CELF2: variants seen among roughly 807,000 people sequenced by gnomAD.
The protein encoded by CELF2 is CUG triplet repeat RNA-binding protein 2.
A neutral mutation model predicts 62.6 loss-of-function variants in CELF2; 8 were observed. That is an observed-to-expected ratio of 0.13 (90% CI 0.07 to 0.23). The LOEUF (loss-of-function observed/expected upper bound fraction) is 0.23. Ranked by LOEUF, CELF2 falls within the 10% of genes least tolerant of loss-of-function variation. The probability of loss-of-function intolerance (pLI) is 1.00; values close to 1 mark genes in which losing one functional copy is unlikely to be tolerated. For missense variants in CELF2, 333 were observed against 671.0 expected (o/e 0.50, Z 5.56); for synonymous variants, 258 against 250.0 (o/e 1.03, Z -0.30).
At chr10:10,490,715 A>T in the CELF2 span, among the ~76,000 whole-genome samples, 2 of 152,148 alleles carry the variant, frequency 1.3e-5, no homozygotes. Context: ...AAATGAGCAT[A>T]AGCCCCTAGA....
intron 8 of CELF2, among the ~76,000 whole-genome samples, chr10:11,284,224 GT>G (rs2090251152): frequency 1.5e-5 from 1 of 67,474 alleles, no homozygotes; most frequent in Admixed American, 1.6e-4. Flanking sequence ...TGTGTGGTGG[GT>G]GGATGAGGGA....
the CELF2 span, among the ~76,000 whole-genome samples, chr10:10,709,434 C>T: frequency 7.9e-5 from 12 of 152,276 alleles, no homozygotes; most frequent in South Asian, 2.1e-4. Context: ...TTCCTCCCCA[C>T]GCCCACCCTG....
At chr10:11,144,072 A>T (rs1596081159) in intron 1 of CELF2, among the ~76,000 whole-genome samples, 3 of 151,904 alleles carry the variant, frequency 2.0e-5, no homozygotes, top group Admixed American at 2.0e-4. Context: ...TTCACTCTCT[A>T]GGCCTCTGGT....
At chr10:10,751,841 T>C in the CELF2 span, among the ~76,000 whole-genome samples, 1 of 152,230 alleles carries the variant, frequency 6.6e-6, no homozygotes, top group Non-Finnish European at 1.5e-5. Flanking sequence ...ATTTTTTTAA[T>C]TGAGAAATTA....
chr10:10,817,946 A>C (rs1047153748), intron 1 of CELF2, among the ~76,000 whole-genome samples: 1 of 152,188 alleles, frequency 6.6e-6, no homozygotes, highest in Non-Finnish European at 1.5e-5. Flanking sequence ...CCACTTCATA[A>C]CTGTAGGACC....
At chr10:11,019,575 T>C (rs1480226270) in intron 1 of CELF2, among the ~76,000 whole-genome samples, 2 of 150,532 alleles carry the variant, frequency 1.3e-5, no homozygotes, top group Admixed American at 6.6e-5. Flanking sequence ...TTATTTGAGC[T>C]GCAAGGACCT....
intron 1 of CELF2, among the ~76,000 whole-genome samples, chr10:10,831,172 A>G (rs560267887): frequency 1.3e-5 from 2 of 152,214 alleles, no homozygotes; most frequent in Non-Finnish European, 1.5e-5. Flanking sequence ...TGGATTTCCA[A>G]TTGCGCACTT....
At chr10:10,481,954 A>G in the CELF2 span, among the ~76,000 whole-genome samples, 5 of 152,240 alleles carry the variant, frequency 3.3e-5, no homozygotes, top group Non-Finnish European at 7.3e-5. Flanking sequence ...CTAGCAATGC[A>G]TGATTCTGAA....
chr10:11,303,042 A>T (rs2093914194), intron 9 of CELF2, among the ~76,000 whole-genome samples: 1 of 152,078 alleles, frequency 6.6e-6, no homozygotes, highest in East Asian at 1.9e-4. Context: ...CTGCTTTCTC[A>T]CCCCACAAAC....
intron 1 of CELF2, among the ~76,000 whole-genome samples, chr10:11,104,717 A>C (rs781169582): frequency 1.3e-5 from 2 of 152,262 alleles, no homozygotes; most frequent in African/African-American, 2.4e-5. Flanking sequence ...AACTAAGAAA[A>C]ATGTTCACTA....
intron 2 of CELF2, among the ~76,000 whole-genome samples, chr10:10,923,556 A>G (rs889964986): frequency 6.6e-5 from 10 of 152,242 alleles, no homozygotes; most frequent in African/African-American, 2.2e-4. Flanking sequence ...GTGCTTGAAC[A>G]GGCAGGCGCT....
chr10:10,518,752 G>T, the CELF2 span, among the ~76,000 whole-genome samples: 9 of 151,332 alleles, frequency 5.9e-5, no homozygotes, highest in South Asian at 4.2e-4. Flanking sequence ...CATAGTCAAA[G>T]AAATATGAAG....
rs1171013453 is a variant in CELF2 at position 11,334,919 on chromosome 10, A to AAGTC, written c.*5868_*5871dup. 1.3e-5 allele frequency: 2 copies of AAGTC among 152,218 alleles called. No individual in the cohort carries two copies. Among genetic ancestry groups the AAGTC allele is most frequent in the African/African-American group, 4.8e-5 (2 of 41,444 alleles). The allele number at this position is 152,218 out of a possible 1,614,324, so 9.4% of individuals were successfully genotyped here. ...CCTCAATCAAAAGATATGTATAGAA[A>AAGTC]AGTCATTTAAATTATTTATTTCTAC... On this transcript the variant is annotated 3_prime_UTR_variant, in exon 13 of 13. Transcript: ENST00000633077.
chr10:11,122,199 G>C (rs1054297087), intron 1 of CELF2, among the ~76,000 whole-genome samples: 12 of 152,124 alleles, frequency 7.9e-5, no homozygotes, highest in African/African-American at 2.9e-4. Context: ...ATGGATCTCT[G>C]CAGCAAGGCC....
chr10:10,496,086 C>T, the CELF2 span, among the ~76,000 whole-genome samples: 2 of 152,184 alleles, frequency 1.3e-5, no homozygotes, highest in African/African-American at 4.8e-5. Flanking sequence ...CCCTTTTGCT[C>T]ATGTCCCCAT....
At chr10:10,540,983 G>A in the CELF2 span, among the ~76,000 whole-genome samples, 5 of 152,052 alleles carry the variant, frequency 3.3e-5, no homozygotes, top group Admixed American at 2.0e-4. Flanking sequence ...AGGAGATCGC[G>A]CCACTGCACT....
At chr10:10,953,641 TA>T (rs1360052947) in intron 2 of CELF2, among the ~76,000 whole-genome samples, 16 of 151,950 alleles carry the variant, frequency 1.1e-4, no homozygotes, top group Non-Finnish European at 1.5e-5. Context: ...TACAAAATAA[TA>T]AACTTAGAAG....
At chr10:10,706,675 T>C in the CELF2 span, among the ~76,000 whole-genome samples, 3 of 152,200 alleles carry the variant, frequency 2.0e-5, no homozygotes, top group Non-Finnish European at 2.9e-5. Flanking sequence ...GAGCATCATA[T>C]GGTATTAGAA....
intron 7 of CELF2, among the ~76,000 whole-genome samples, chr10:11,273,968 A>ACCCCCCCCCCCCCCCCCCC (rs10612614): frequency 2.1e-5 from 2 of 96,460 alleles, no homozygotes; most frequent in Non-Finnish European, 4.2e-5. Flanking sequence ...AGTGATCCCC[A>ACCCCCCCCCCCCCCCCCCC]CCCCCCCCCC....
Sources: allele counts gnomAD v4.1 joint callset (sites outside exome capture counted in the v4.1 genomes callset), GRCh38; gene constraint gnomAD v4.1.1; transcripts MANE v1.5; gene names NCBI Gene and HGNC (gene_info 2026-07-23, HGNC 2026-07-21).